The following SELP variants were observed in gnomAD, a reference collection of about 807,000 sequenced individuals.
SELP encodes P-selectin.
In SELP, 92 loss-of-function variants were observed where a neutral mutation model predicts 104.1. That is an observed-to-expected ratio of 0.88 (90% CI 0.75 to 1.05). The LOEUF is 1.05. Ranked by LOEUF, SELP falls within the 50% of genes least tolerant of loss-of-function variation. SELP has a pLI of 0.00. For synonymous variants in SELP, 397 were observed against 364.5 expected, an observed-to-expected ratio of 1.09 and a Z score of -1.01; for missense variants, 1,022 against 1,017.3, an observed-to-expected ratio of 1.00 and a Z score of -0.06.
At chr1:169,605,068 G>A (rs911637390) in intron 9 of SELP, among the ~76,000 whole-genome samples, 1 of 152,164 alleles carries the variant, frequency 6.6e-6, no homozygotes, top group African/African-American at 2.4e-5. Flanking sequence ...GTGGTGAGTG[G>A]CAACCTCCTT....
Position 169,590,166 on chromosome 1 carries a change from T to A in SELP, c.2475A>T (p.Ala825=), listed in dbSNP as rs1427328421. The A allele has an allele frequency of 6.2e-7, 1 of 1,613,166 alleles. No individual in the cohort carries two copies. The part of the protein sequence containing the change: ...LGTYGVFTNA[A]FDPSP Reference sequence around the variant, plus strand: ...TCTTACCTTAAGGACTCGGGTCAAATGCAGCGTTTGTAAAAACTCCATATG... The same window carrying A: ...TCTTACCTTAAGGACTCGGGTCAAAAGCAGCGTTTGTAAAAACTCCATATG... Residue 825 remains alanine, a synonymous_variant, in exon 16 of 17, where the codon GCA becomes GCT. Coordinates refer to ENST00000263686, the MANE Select transcript of SELP (RefSeq NM_003005.4).
chr1:169,617,112 C>G lies in SELP; in HGVS notation c.397G>C (p.Glu133Gln), dbSNP rs1221633949. The change falls in exon 3 of 17, where the codon GAG becomes CAG. Residue 133 changes from glutamate to glutamine, a missense_variant. Transcript: ENST00000263686. ...NNKRNNEDCV[E>Q]IYIKSPSAPG... ...GCTGACGGACTCTTGATGTATATCT[C>G]CACGCAGTCCTCGTTGTTCCTTTTG... The G allele has an allele frequency of 1.9e-6, 3 of 1,613,928 alleles. No individual in the cohort carries two copies. Among genetic ancestry groups the G allele is most frequent in the Non-Finnish European group, 2.5e-6 (3 of 1,179,998 alleles).
rs1457918687 is a variant in SELP, at chr1:169,591,260, A to C, written c.2438+166T>G. ...TTTATTCCTACTTTATATTTTAATT[A>C]GAATATTTGTTATCTGTGTATTTTA... On this transcript the variant is annotated intron_variant, in intron 15 of 16. Coordinates refer to ENST00000263686, the MANE Select transcript of SELP (RefSeq NM_003005.4). Among the ~76,000 whole-genome samples, 3 of 152,198 alleles carry C rather than the reference A, an allele frequency of 2.0e-5. No homozygotes were observed. In the East Asian group the frequency reaches 5.8e-4, roughly 29 times the overall value.
intron 15 of SELP, among the ~76,000 whole-genome samples, chr1:169,591,202 TG>T (rs1286920486): frequency 6.6e-6 from 1 of 152,238 alleles, no homozygotes; most frequent in African/African-American, 2.4e-5. Context: ...CCTAAGTTTT[TG>T]CATCTTGTTT....
intron 1 of SELP, among the ~76,000 whole-genome samples, chr1:169,620,411 A>G (rs181758002): frequency 2.2e-3 from 328 of 146,210 alleles, no homozygotes; most frequent in African/African-American, 7.9e-3. Flanking sequence ...ACCTTCATTA[A>G]CCTCCAGGCT....
chr1:169,612,503 G>C (rs1216430192), intron 5 of SELP, 101 bp from the exon 6 acceptor site: 1 of 1,134,520 alleles, frequency 8.8e-7, no homozygotes, highest in African/African-American at 1.5e-5. Flanking sequence ...TCCCAAAGTG[G>C]CAGGCAGGTT....
chr1:169,626,369 G>A (rs977431613), intron 1 of SELP, among the ~76,000 whole-genome samples: 4 of 152,202 alleles, frequency 2.6e-5, no homozygotes, highest in Non-Finnish European at 5.9e-5. Flanking sequence ...ATCCCTTGAG[G>A]TCAGAAGTTC....
At chr1:169,627,902 T>C (rs1325348186) in intron 1 of SELP, among the ~76,000 whole-genome samples, 3 of 152,188 alleles carry the variant, frequency 2.0e-5, no homozygotes, top group Admixed American at 6.5e-5. Context: ...AACTTTTTTT[T>C]TGTTTTGTTT....
chr1:169,611,619 C>A lies in SELP; in HGVS notation c.1020G>T (p.Pro340=), dbSNP rs368869626. 4.3e-6 allele frequency: 7 copies of A among 1,613,958 alleles called. No homozygotes were observed. The African/African-American group carries it at 9.4e-5, about 22-fold the overall frequency. Residue 340 remains proline (P), a synonymous_variant, in exon 7 of 17, where the codon CCG becomes CCT. Transcript: ENST00000263686. ...PSEGTMDCVH[P]LTAFAYGSSC... Reference sequence around the variant, plus strand: ...TGGAGCCATAGGCAAAAGCAGTGAGCGGATGAACACAGTCCATGGTTCCTT... The same window carrying A: ...TGGAGCCATAGGCAAAAGCAGTGAGAGGATGAACACAGTCCATGGTTCCTT...
intron 13 of SELP, 139 bp downstream of exon 13, chr1:169,594,553 T>G: frequency 1.3e-6 from 1 of 758,720 alleles, no homozygotes. Flanking sequence ...TTCTGCCTGA[T>G]TCATTGTGAA....
At chr1:169,629,093 T>C (rs1304653710) in intron 1 of SELP, among the ~76,000 whole-genome samples, 2 of 152,226 alleles carry the variant, frequency 1.3e-5, no homozygotes, top group East Asian at 3.8e-4. Flanking sequence ...ACCCTGGGAC[T>C]ATGTGGGATA....
chr1:169,606,090 G>T (rs576752832), intron 9 of SELP, among the ~76,000 whole-genome samples: 29 of 152,328 alleles, frequency 1.9e-4, no homozygotes, highest in African/African-American at 7.0e-4. Context: ...GCCGAGTCAG[G>T]CAGATCACCT....
chr1:169,591,407 T>G lies in SELP; in HGVS notation c.2438+19A>C. On this transcript the variant is annotated intron_variant, in intron 15 of 16. Coordinates refer to ENST00000263686, the MANE Select transcript of SELP (RefSeq NM_003005.4). ...TAAGGTAGCAAAATTTACTCAATCATAAAACATTTCTACCTTACCTGTGAG... is the reference window on the plus strand; with the variant it reads ...TAAGGTAGCAAAATTTACTCAATCAGAAAACATTTCTACCTTACCTGTGAG... The G allele has an allele frequency of 1.9e-6, 3 of 1,558,472 alleles. No homozygotes were observed. Among genetic ancestry groups the G allele is most frequent in the East Asian group, 2.3e-5 (1 of 43,768 alleles).
chr1:169,601,442 G>A lies in SELP; in HGVS notation c.1705+1584C>T, dbSNP rs577426540. ...TGGAGAGAGAGCAATACAAGTCTTTGGATATTAATCTAGTGCTCATTCCAC... is the reference window on the plus strand; with the variant it reads ...TGGAGAGAGAGCAATACAAGTCTTTAGATATTAATCTAGTGCTCATTCCAC... On this transcript the variant is annotated intron_variant, in intron 10 of 16. Coordinates refer to ENST00000263686, the MANE Select transcript of SELP (RefSeq NM_003005.4). Among the ~76,000 whole-genome samples the A allele has an allele frequency of 2.6e-5, 4 of 152,232 alleles. No individual in the cohort carries two copies. In the South Asian group the frequency reaches 8.3e-4, roughly 32 times the overall value.
chr1:169,608,066 A>C (rs766785863), intron 8 of SELP, among the ~76,000 whole-genome samples: 1 of 151,916 alleles, frequency 6.6e-6, no homozygotes, highest in Non-Finnish European at 1.5e-5. Context: ...CCCAGATAAC[A>C]TATACAATAC....
chr1:169,615,875 G>C (rs556664414), intron 3 of SELP, among the ~76,000 whole-genome samples: 3 of 152,222 alleles, frequency 2.0e-5, no homozygotes, highest in East Asian at 3.9e-4. Context: ...CTGAGGGAGA[G>C]GTGTTTAAAA....
intron 3 of SELP, among the ~76,000 whole-genome samples, chr1:169,614,743 T>C (rs1355480706): frequency 1.3e-5 from 2 of 152,190 alleles, no homozygotes; most frequent in African/African-American, 2.4e-5. Context: ...CAAGGTTCTA[T>C]AGGAAGAAGT....
rs3917815 is a variant in SELP, at chr1:169,596,008, T to C, written c.2018A>G (p.Asn673Ser). The change falls in exon 12 of 17, where the codon AAC (asparagine) becomes AGC (serine). Residue 673 changes from asparagine (N) to serine (S), a missense_variant. Transcript: ENST00000263686. Reference sequence around the variant, plus strand: ...GTCTCCTATGAGTGTGAATCCAGCGTTGCAGCCAAAGTAACAAGTGGTATT... The same window carrying C: ...GTCTCCTATGAGTGTGAATCCAGCGCTGCAGCCAAAGTAACAAGTGGTATT... ...GFNTTCYFGCNAGFTLIGDST... is the reference protein window; with the variant it reads ...GFNTTCYFGCSAGFTLIGDST... 1.1e-3 allele frequency: 1,783 copies of C among 1,613,926 alleles called. 19 individuals carry two copies. In the African/African-American group the frequency reaches 0.021, roughly 19 times the overall value.
At chr1:169,600,585 C>T (rs920840609) in intron 10 of SELP, among the ~76,000 whole-genome samples, 6 of 152,152 alleles carry the variant, frequency 3.9e-5, no homozygotes, top group African/African-American at 1.4e-4. Flanking sequence ...AAAATGAAAT[C>T]TCACATTGCA....
Sources: gnomAD v4.1 joint callset for allele counts (sites outside exome capture counted in the v4.1 genomes callset) on GRCh38, gnomAD v4.1.1 for gene constraint, MANE v1.5 for transcripts, NCBI Gene and HGNC (gene_info 2026-07-23, HGNC 2026-07-21) for gene names.